Variants in ZBBX observed in about 807,000 individuals in gnomAD.
ZBBX encodes zinc finger B-box domain-containing protein 1.
Under a neutral mutation model 108.5 loss-of-function variants are expected in ZBBX, and 101 were observed. That is an observed-to-expected ratio of 0.93 (90% CI 0.79 to 1.10). ZBBX has a LOEUF of 1.10. Among genes scored for constraint, ZBBX ranks in the 50% least tolerant of loss-of-function variants. The pLI, the probability that ZBBX is intolerant of heterozygous loss-of-function variation, is 0.00. For missense variants in ZBBX, 1,009 were observed against 941.4 expected (o/e 1.07, Z -0.94); for synonymous variants, 356 against 323.4 (o/e 1.10, Z -1.08).
At chr3:167,249,670 T>C (rs1466034302) in intron 20 of ZBBX, among the ~76,000 whole-genome samples, 2 of 152,316 alleles carry the variant, frequency 1.3e-5, no homozygotes, top group Middle Eastern at 3.4e-3. Flanking sequence ...ATAGAGGCTT[T>C]CCAGAATTAT....
At chr3:167,179,395 A>G in the ZBBX span, among the ~76,000 whole-genome samples, 1 of 152,240 alleles carries the variant, frequency 6.6e-6, no homozygotes, top group Non-Finnish European at 1.5e-5. Flanking sequence ...AGTGTCTGGC[A>G]TTAGATATTG....
intron 11 of ZBBX, among the ~76,000 whole-genome samples, chr3:167,326,764 G>A (rs7633997): frequency 0.83 from 125,572 of 151,944 alleles, 51,983 homozygotes; most frequent in East Asian, 0.9. Flanking sequence ...ATTGATGTGT[G>A]ATAAAGAAAT....
chr3:167,326,808 G>A (rs1737469917), intron 11 of ZBBX, among the ~76,000 whole-genome samples: 2 of 151,854 alleles, frequency 1.3e-5, no homozygotes, highest in Non-Finnish European at 1.5e-5. Flanking sequence ...TTATTTAAAA[G>A]TTTAATTATA....
At chr3:167,315,908 A>T in intron 14 of ZBBX, 79 bp from the exon 15 acceptor site, 2 of 812,126 alleles carry the variant, frequency 2.5e-6, no homozygotes, top group Non-Finnish European at 3.9e-6. Flanking sequence ...TATGGGTGAT[A>T]TTTGGAGTAC....
At chr3:167,324,215 G>A (rs1053504364) in intron 11 of ZBBX, among the ~76,000 whole-genome samples, 1 of 151,936 alleles carries the variant, frequency 6.6e-6, no homozygotes, top group Non-Finnish European at 1.5e-5. Context: ...CATGATCATA[G>A]CTCACTGTAA....
intron 6 of ZBBX, among the ~76,000 whole-genome samples, chr3:167,361,545 G>A (rs1439792920): frequency 6.6e-6 from 1 of 152,030 alleles, no homozygotes; most frequent in Non-Finnish European, 1.5e-5. Context: ...CTATATCTAT[G>A]GCTGTAGCAA....
chr3:167,396,165 T>G (rs1037579063), intron 1 of ZBBX, among the ~76,000 whole-genome samples: 12 of 152,040 alleles, frequency 7.9e-5, no homozygotes, highest in African/African-American at 2.9e-4. Context: ...TTGTTTGCCC[T>G]CATAACCATC....
At chr3:167,279,582 T>A (rs1384668214) in intron 20 of ZBBX, among the ~76,000 whole-genome samples, 1 of 150,586 alleles carries the variant, frequency 6.6e-6, no homozygotes, top group Non-Finnish European at 1.5e-5. Context: ...AAACCACTGC[T>A]CAATGAAATA....
the ZBBX span, among the ~76,000 whole-genome samples, chr3:167,220,262 A>G: frequency 1.3e-5 from 2 of 151,994 alleles, no homozygotes. Context: ...TAACACCAAA[A>G]TCAGACGAAG....
Position 167,288,999 on chromosome 3 carries a change from A to T in ZBBX, c.1880-16T>A. ...TCTCTGTCTTCTGAAATTGAAAAAC[A>T]GTAAGATAACATAAAGTTTGAAAAG... On this transcript the variant is annotated splice_polypyrimidine_tract_variant and intron_variant, in intron 18 of 21. Transcript: ENST00000675490. 1 of 1,507,318 alleles carries T rather than the reference A, an allele frequency of 6.6e-7. No homozygotes were observed. The highest frequency in any genetic ancestry group is 8.9e-7 in the Non-Finnish European group (1 of 1,117,966). 93.4% of individuals were successfully genotyped at this position (1,507,318 alleles called of 1,614,324 possible).
chr3:167,183,572 T>C, the ZBBX span, among the ~76,000 whole-genome samples: 2 of 152,332 alleles, frequency 1.3e-5, no homozygotes, highest in East Asian at 3.9e-4. Flanking sequence ...CCCACATATT[T>C]ATCGACAGGA....
intron 20 of ZBBX, among the ~76,000 whole-genome samples, chr3:167,268,645 C>T (rs928263467): frequency 6.6e-6 from 1 of 152,064 alleles, no homozygotes; most frequent in African/African-American, 2.4e-5. Context: ...ACTTAGAAGA[C>T]CCCCTTGGAC....
At chr3:167,299,707 A>G (rs373849691) in intron 17 of ZBBX, among the ~76,000 whole-genome samples, 2 of 152,348 alleles carry the variant, frequency 1.3e-5, no homozygotes, top group East Asian at 3.9e-4. Flanking sequence ...ACTGAAGTAC[A>G]AAATGAACAA....
rs545250942 is a variant in ZBBX at position 167,393,920 on chromosome 3, G to C, written c.-445-13515C>G. On this transcript the variant is annotated intron_variant, in intron 1 of 21. Transcript: ENST00000455345. ...CATAAAATGTTTCTTGTAAAATTAT[G>C]CTTATTGAACTTTTTCACTAAGTTT... 1.0e-3 allele frequency among the ~76,000 whole-genome samples: 158 copies of C among 151,870 alleles called. 1 individual carries two copies. The highest frequency in any genetic ancestry group is 3.8e-3 in the African/African-American group (156 of 41,488).
intron 20 of ZBBX, among the ~76,000 whole-genome samples, chr3:167,266,537 C>A (rs939867510): frequency 6.6e-6 from 1 of 152,150 alleles, no homozygotes; most frequent in African/African-American, 2.4e-5. Flanking sequence ...TACCTCACAT[C>A]CCCCTCCCTT....
intron 19 of ZBBX, among the ~76,000 whole-genome samples, chr3:167,286,881 C>T (rs1393220730): frequency 6.6e-6 from 1 of 151,996 alleles, no homozygotes; most frequent in South Asian, 2.1e-4. Context: ...AATGGGAATT[C>T]CTCTATATAC....
chr3:167,236,368 C>T (rs1720230782), downstream of ZBBX, among the ~76,000 whole-genome samples: 1 of 151,584 alleles, frequency 6.6e-6, no homozygotes, highest in Non-Finnish European at 1.5e-5. Flanking sequence ...CATTAGTTTG[C>T]CTGTATATTC....
chr3:167,372,994 C>G, intron 3 of ZBBX, 44 bp from the exon 4 acceptor site: 1 of 927,062 alleles, frequency 1.1e-6, no homozygotes, highest in Non-Finnish European at 1.6e-6. Flanking sequence ...AGAGGTGAAG[C>G]AGTATAAGTT....
intron 9 of ZBBX, among the ~76,000 whole-genome samples, chr3:167,344,218 G>C (rs942980984): frequency 1.3e-5 from 2 of 151,764 alleles, no homozygotes; most frequent in African/African-American, 4.8e-5. Context: ...TAGGGAGATA[G>C]GAGGAGGATG....
Sources: allele counts gnomAD v4.1 joint callset (sites outside exome capture counted in the v4.1 genomes callset), GRCh38; gene constraint gnomAD v4.1.1; transcripts MANE v1.5; gene names NCBI Gene and HGNC (gene_info 2026-07-23, HGNC 2026-07-21).